The following DNAH9 variants were observed in gnomAD, a reference collection of about 807,000 sequenced individuals.
DNAH9 encodes dynein axonemal heavy chain 9, also known as DNAH9 variant protein.
In DNAH9, 345 loss-of-function variants were observed where a neutral mutation model predicts 471.6. The observed-to-expected ratio is 0.73, with a 90% CI of 0.67 to 0.80. The LOEUF (loss-of-function observed/expected upper bound fraction) is 0.80. Ranked by LOEUF, DNAH9 falls within the 30% of genes least tolerant of loss-of-function variation. DNAH9 has a pLI of 0.00. For missense variants in DNAH9, 5,407 were observed against 5,609.2 expected (o/e 0.96, Z 1.15); for synonymous variants, 2,093 against 2,123.6 (o/e 0.99, Z 0.40).
At chr17:11,687,015 C>G (rs2074253548) in intron 19 of DNAH9, among the ~76,000 whole-genome samples, 1 of 152,180 alleles carries the variant, frequency 6.6e-6, no homozygotes, top group South Asian at 2.1e-4. Context: ...ACAAGAACTC[C>G]TCACCCTTGG....
Position 11,880,257 on chromosome 17 carries a change from A to G in DNAH9, c.10601+57A>G, listed in dbSNP as rs1174085318. 5.0e-6 allele frequency: 8 copies of G among 1,592,958 alleles called. No individual in the cohort carries two copies. In the East Asian group the frequency reaches 1.8e-4, roughly 36 times the overall value. ...GGGGAGCTGGTTCATGGCCCTGGTT[A>G]GAATCATGAAGAGGTCTGCTCTTCC... On this transcript the variant is annotated intron_variant, in intron 54 of 68. Coordinates refer to ENST00000262442, the MANE Select transcript of DNAH9 (RefSeq NM_001372.4).
rs748790007 is a variant in DNAH9, at chr17:11,822,651, A to G, written c.9012+52A>G. 17 of 1,606,228 alleles carry G rather than the reference A, an allele frequency of 1.1e-5. No individual in the cohort carries two copies. In the South Asian group the frequency reaches 1.2e-4, roughly 12 times the overall value. On this transcript the variant is annotated intron_variant, in intron 47 of 68. Transcript: ENST00000262442. ...AAAGTCCTTCCCAGATGAGGGTACA[A>G]TGAATTCCCTGTCCAGGATGTTAGG...
intron 49 of DNAH9, among the ~76,000 whole-genome samples, chr17:11,842,161 G>A (rs1971058373): frequency 6.6e-6 from 1 of 152,094 alleles, no homozygotes; most frequent in African/African-American, 2.4e-5. Context: ...TTCATTATAA[G>A]CTTAATACTA....
At position 11,607,711 on chromosome 17, in the gene DNAH9, A is replaced by G. The variant is rs1286155435; in HGVS notation, c.418-418A>G. Among the ~76,000 whole-genome samples the G allele has an allele frequency of 1.3e-5, 2 of 152,140 alleles. 1 individual carries two copies. The highest frequency in any genetic ancestry group is 2.9e-5 in the Non-Finnish European group (2 of 68,026). ...CAACCTCCCGAGTAGCTGTGATCAC[A>G]GGAACCCGCCACCACACCCGGCTAA... On this transcript the variant is annotated intron_variant, in intron 1 of 68. Coordinates refer to ENST00000262442, the MANE Select transcript of DNAH9 (RefSeq NM_001372.4).
chr17:11,756,544 C>T (rs765876059), intron 33 of DNAH9, 24 bp from the exon 34 acceptor site: 10 of 1,409,694 alleles, frequency 7.1e-6, no homozygotes, highest in Middle Eastern at 1.8e-4. Flanking sequence ...TCCTCACTGG[C>T]ATGCCCTTCC....
intron 8 of DNAH9, among the ~76,000 whole-genome samples, chr17:11,633,338 G>A (rs1460013658): frequency 6.6e-6 from 1 of 152,220 alleles, no homozygotes; most frequent in Non-Finnish European, 1.5e-5. Flanking sequence ...GTTACAAGAA[G>A]TCACATTGTG....
Position 11,606,443 on chromosome 17 carries a change from C to CTTTTTTTTTTTTTTTTTTTT in DNAH9, c.418-1682_418-1681insTTTTTTTTTTTTTTTTTTTT, listed in dbSNP as rs1404986645. On this transcript the variant is annotated intron_variant, in intron 1 of 68. Transcript: ENST00000262442. ...CTGACAACTTTCTTTCTTTTCTTTT[C>CTTTTTTTTTTTTTTTTTTTT]TTTTCTTTTCTTTTTTTTTTTTTTG... Among the ~76,000 whole-genome samples, 72 of 69,132 alleles carry CTTTTTTTTTTTTTTTTTTTT rather than the reference C, an allele frequency of 1.0e-3. 7 individuals carry two copies. The highest frequency in any genetic ancestry group is 2.3e-3 in the East Asian group (4 of 1,730). The allele number at this position is 69,132 out of a possible 152,430, so 45.4% of individuals were successfully genotyped here. A position where few individuals can be genotyped will look rare whatever the true frequency, so the allele number is the denominator to read the frequency against.
At chr17:11,907,453 A>G (rs1460147777) in intron 61 of DNAH9, among the ~76,000 whole-genome samples, 2 of 135,788 alleles carry the variant, frequency 1.5e-5, no homozygotes, top group Admixed American at 7.9e-5. Context: ...CTGGGCAACA[A>G]GAGTGAAAAA....
chr17:11,901,382 C>G (rs1159454734), intron 59 of DNAH9, among the ~76,000 whole-genome samples: 2 of 152,120 alleles, frequency 1.3e-5, no homozygotes, highest in Non-Finnish European at 2.9e-5. Flanking sequence ...GAAGAATTGT[C>G]TTGGACCACA....
At chr17:11,687,020 C>T (rs2074253718) in intron 19 of DNAH9, among the ~76,000 whole-genome samples, 1 of 152,126 alleles carries the variant, frequency 6.6e-6, no homozygotes, top group African/African-American at 2.4e-5. Context: ...AACTCCTCAC[C>T]CTTGGTGATC....
At chr17:11,881,644 C>T (rs1434544874) in intron 55 of DNAH9, among the ~76,000 whole-genome samples, 4 of 152,156 alleles carry the variant, frequency 2.6e-5, no homozygotes, top group Non-Finnish European at 5.9e-5. Flanking sequence ...CATGGTGGCT[C>T]ATGCCTATAA....
In DNAH9 at chr17:11,669,373, G is replaced by A; in HGVS notation, c.2932G>A (p.Asp978Asn). 2 of 1,609,738 alleles carry A rather than the reference G, an allele frequency of 1.2e-6. No homozygotes were observed. Among genetic ancestry groups the A allele is most frequent in the Non-Finnish European group, 1.7e-6 (2 of 1,177,388 alleles). ...TGCCGTTGTCTCGCTTCCCCAGGTC[G>A]ACCTGGACGGTATACCAGATTTGGC... Reference protein sequence around the residue: ...PQNGSPHYQVDLDGIPDLANM... With the variant: ...PQNGSPHYQVNLDGIPDLANM... Residue 978 changes from aspartate (D) to asparagine (N), a missense_variant, in exon 17 of 69, where the codon GAC becomes AAC. Asp to Asn is a conservative substitution (Grantham distance 23, BLOSUM62 1). Transcript: ENST00000262442.
At chr17:11,625,718 CA>C (rs1349343174) in intron 6 of DNAH9, among the ~76,000 whole-genome samples, 2 of 152,320 alleles carry the variant, frequency 1.3e-5, no homozygotes, top group Non-Finnish European at 2.9e-5. Flanking sequence ...CACCTGCCAC[CA>C]CCATTAAGTG....
intron 38 of DNAH9, among the ~76,000 whole-genome samples, chr17:11,774,316 A>C (rs1444599905): frequency 1.3e-5 from 2 of 152,006 alleles, no homozygotes; most frequent in Non-Finnish European, 2.9e-5. Context: ...TAAACTTTAA[A>C]TTTGCCATAC....
At chr17:11,874,872 G>T in intron 52 of DNAH9, 77 bp from the exon 53 acceptor site, 3 of 1,016,646 alleles carry the variant, frequency 3.0e-6, no homozygotes, top group Non-Finnish European at 4.6e-6. Flanking sequence ...TGTGTCATTT[G>T]GTGAGTAACT....
rs78307298 is a variant in DNAH9 at position 11,691,263 on chromosome 17, G to A, written c.4614+827G>A. Among the ~76,000 whole-genome samples the A allele has an allele frequency of 7.5e-3, 1,135 of 152,304 alleles. 22 individuals carry two copies. The highest frequency in any genetic ancestry group is 0.025 in the African/African-American group (1,058 of 41,566). ...GTGAAAAGTAATAGAAAACAATTCT[G>A]TATGGCAGTTGTCATTAAGTCAAAT... is the stretch of plus-strand genomic sequence containing the variant. On this transcript the variant is annotated intron_variant, in intron 20 of 68. Transcript: ENST00000262442.
At chr17:11,822,680 A>G (rs1289760583) in intron 47 of DNAH9, 81 bp downstream of exon 47, 1 of 1,594,742 alleles carries the variant, frequency 6.3e-7, no homozygotes, top group Non-Finnish European at 8.6e-7. Flanking sequence ...TGTTAGGGTT[A>G]AAGATCAAGC....
chr17:11,703,090 C>CAAAAAAAA (rs535913798), intron 24 of DNAH9, among the ~76,000 whole-genome samples: 1 of 87,834 alleles, frequency 1.1e-5, no homozygotes, highest in African/African-American at 4.1e-5. Flanking sequence ...GAGACTGTCT[C>CAAAAAAAA]AAAAAAAAAA....
chr17:11,698,295 ATATT>A (rs2074528437), intron 22 of DNAH9, among the ~76,000 whole-genome samples: 1 of 137,194 alleles, frequency 7.3e-6, no homozygotes, highest in Non-Finnish European at 1.5e-5. Context: ...TAATAATTAT[ATATT>A]AGATTAGATA....
Sources: allele counts gnomAD v4.1 joint callset (sites outside exome capture counted in the v4.1 genomes callset), GRCh38; gene constraint gnomAD v4.1.1; transcripts MANE v1.5; gene names NCBI Gene and HGNC (gene_info 2026-07-23, HGNC 2026-07-21).